Variants in DNAH9 observed in about 807,000 individuals in gnomAD.
The protein encoded by DNAH9 is dynein axonemal heavy chain 9, also known as DNAH9 variant protein.
In DNAH9, 345 loss-of-function variants were observed where a neutral mutation model predicts 471.6. That is an observed-to-expected ratio of 0.73 (90% confidence interval 0.67 to 0.80). DNAH9 has a LOEUF of 0.80. Ranked by LOEUF, DNAH9 falls within the 30% of genes least tolerant of loss-of-function variation. The pLI is 0.00. For missense variants in DNAH9, 5,407 were observed against 5,609.2 expected (o/e 0.96, Z 1.15); for synonymous variants, 2,093 against 2,123.6 (o/e 0.99, Z 0.40).
At chr17:11,709,624 G>A (rs1449293308) in intron 26 of DNAH9, among the ~76,000 whole-genome samples, 1 of 152,176 alleles carries the variant, frequency 6.6e-6, no homozygotes, top group East Asian at 1.9e-4. Flanking sequence ...GATGGGACTT[G>A]AATATATAAA....
At chr17:11,818,423 G>A (rs190332045) in intron 45 of DNAH9, among the ~76,000 whole-genome samples, 37 of 142,730 alleles carry the variant, frequency 2.6e-4, no homozygotes, top group Middle Eastern at 3.4e-3. Flanking sequence ...GCAAGACTCC[G>A]TATTTAAAAA....
chr17:11,889,278 T>C (rs187413274), intron 57 of DNAH9, among the ~76,000 whole-genome samples: 95 of 152,362 alleles, frequency 6.2e-4, no homozygotes, highest in African/African-American at 2.1e-3. Flanking sequence ...TAACACAGCA[T>C]TGGTCTCAAA....
intron 57 of DNAH9, among the ~76,000 whole-genome samples, chr17:11,891,311 C>T (rs1567879617): frequency 6.6e-6 from 1 of 152,154 alleles, no homozygotes; most frequent in African/African-American, 2.4e-5. Context: ...CATGTTTTCT[C>T]GTTACTATTG....
At chr17:11,681,041 G>A in intron 19 of DNAH9, 152 bp downstream of exon 19, 1 of 735,978 alleles carries the variant, frequency 1.4e-6, no homozygotes, top group South Asian at 2.0e-5. Flanking sequence ...GAAACGTGGT[G>A]CTAATGTGGA....
At chr17:11,881,786 C>G (rs532041048) in intron 55 of DNAH9, among the ~76,000 whole-genome samples, 1 of 152,258 alleles carries the variant, frequency 6.6e-6, no homozygotes, top group African/African-American at 2.4e-5. Flanking sequence ...GTGGCGCTAG[C>G]CTGTAGTCCT....
rs1971378471 is a variant in DNAH9, at chr17:11,850,545, G to A, written c.9508-3458G>A. ...TGCCTGTAATCCCAGCTGTAATTTG[G>A]GAGGCTGAGGCAGGAGAATCGCCTG... is the stretch of plus-strand genomic sequence containing the variant. On this transcript the variant is annotated intron_variant, in intron 49 of 68. Coordinates refer to ENST00000262442, the MANE Select transcript of DNAH9 (RefSeq NM_001372.4). Among the ~76,000 whole-genome samples, 5 of 152,110 alleles carry A rather than the reference G, an allele frequency of 3.3e-5. No homozygotes were observed. The South Asian group carries it at 1.0e-3, about 32-fold the overall frequency.
In DNAH9 at chr17:11,914,344, G is replaced by T. The variant is rs1163848445; in HGVS notation, c.11749+8535G>T. ...AAGACTGCACTTTATTCTTCTTGAA[G>T]ATACTCTCCCTGGAGCTCACTGACA... On this transcript the variant is annotated intron_variant, in intron 61 of 68. Transcript: ENST00000262442. 2.0e-5 allele frequency among the ~76,000 whole-genome samples: 3 copies of T among 152,120 alleles called. No homozygotes were observed. In the East Asian group the frequency reaches 5.8e-4, roughly 29 times the overall value.
chr17:11,943,672 G>A (rs559821254), intron 67 of DNAH9, among the ~76,000 whole-genome samples: 26 of 151,974 alleles, frequency 1.7e-4, no homozygotes, highest in Non-Finnish European at 1.9e-4. Flanking sequence ...GCAAGACTCC[G>A]TCTCAAAAAA....
chr17:11,626,006 G>A lies in DNAH9; in HGVS notation c.1351-3411G>A, dbSNP rs1390993883. Among the ~76,000 whole-genome samples, 1 of 152,168 alleles carries A rather than the reference G, an allele frequency of 6.6e-6. No homozygotes were observed. Among genetic ancestry groups the A allele is most frequent in the African/African-American group, 2.4e-5 (1 of 41,432 alleles). On this transcript the variant is annotated intron_variant, in intron 6 of 68. Coordinates refer to ENST00000262442, the MANE Select transcript of DNAH9 (RefSeq NM_001372.4). This position sits in a 1 kb window ranked among gnomAD's most constrained non-coding sequence, Gnocchi z 4.3. ...TCCCATCTACAGGTTAGGAAAGTGA[G>A]GCTTAGAAAAGTTAGGTGTCTTGCT...
rs369021809 is a variant in DNAH9, at chr17:11,763,637, A to G, written c.7170+23A>G. On this transcript the variant is annotated intron_variant, in intron 36 of 68. Transcript: ENST00000262442. ...CAGGTAAGGAGATATGTTGAGCTCA[A>G]CAACCACACTGAAGTCTGTAGCAGC... 20 of 1,609,618 alleles carry G rather than the reference A, an allele frequency of 1.2e-5. No homozygotes were observed. The African/African-American group carries it at 2.4e-4, about 19-fold the overall frequency.
chr17:11,716,082 C>CTT (rs61643065), intron 26 of DNAH9, among the ~76,000 whole-genome samples: 2,580 of 132,436 alleles, frequency 0.019, 126 homozygotes, highest in African/African-American at 0.073. Context: ...TTTTCTTTCT[C>CTT]TTTTTTTTTT....
At chr17:11,618,983 C>A (rs2072800863) in intron 5 of DNAH9, among the ~76,000 whole-genome samples, 1 of 152,032 alleles carries the variant, frequency 6.6e-6, no homozygotes, top group Non-Finnish European at 1.5e-5. Context: ...AAACCGAAAC[C>A]AAAAGTAGGA....
chr17:11,680,243 G>GA (rs779003153), intron 18 of DNAH9, among the ~76,000 whole-genome samples: 19,394 of 142,812 alleles, frequency 0.14, 1,285 homozygotes, highest in Middle Eastern at 0.2. Flanking sequence ...TTTTGGTTGA[G>GA]AAAAAAAAAA....
chr17:11,638,424 G>A (rs561949972), intron 9 of DNAH9, among the ~76,000 whole-genome samples: 1 of 151,836 alleles, frequency 6.6e-6, no homozygotes, highest in South Asian at 2.1e-4. Context: ...TGGCTCTATT[G>A]CCCAGACTGG....
At chr17:11,956,439 A>C in intron 67 of DNAH9, among the ~76,000 whole-genome samples, 1 of 152,172 alleles carries the variant, frequency 6.6e-6, no homozygotes, top group Non-Finnish European at 1.5e-5. Context: ...ACAAGTAGAC[A>C]GAAAACTAAT....
chr17:11,880,501 T>A (rs1490484922), intron 54 of DNAH9, among the ~76,000 whole-genome samples: 2 of 152,198 alleles, frequency 1.3e-5, no homozygotes, highest in African/African-American at 4.8e-5. Flanking sequence ...AAAAGCAGAC[T>A]GACTTTTAAG....
intron 17 of DNAH9, among the ~76,000 whole-genome samples, chr17:11,673,605 T>C (rs1394878568): frequency 6.6e-6 from 1 of 151,264 alleles, no homozygotes. Context: ...ATATTTGTTT[T>C]TTTTTTTTTT....
At position 11,694,428 on chromosome 17, in the gene DNAH9, A is replaced by G; in HGVS notation, c.4853A>G (p.Asn1618Ser). The stretch of plus-strand genomic sequence containing the variant: ...TCCGATCTGTTAGACATCCTTTCCA[A>G]CGGCACAGCTCCACAACAGGTAAGC... ...SSSDLLDILSNGTAPQQVQRH... is the reference protein window; with the variant it reads ...SSSDLLDILSSGTAPQQVQRH... Residue 1618 changes from asparagine (N) to serine (S), a missense_variant, in exon 22 of 69, where the codon AAC becomes AGC. Asn to Ser is a conservative substitution (Grantham distance 46). This residue lies in a region of DNAH9 where 4,636 missense variants were observed against 4,900.3 expected (regional missense o/e 0.95). Transcript: ENST00000262442. The G allele has an allele frequency of 1.2e-6, 2 of 1,613,096 alleles. No homozygotes were observed. The highest frequency in any genetic ancestry group is 2.2e-5 in the East Asian group (1 of 44,770).
In DNAH9 at chr17:11,835,607, G is replaced by A. The variant is rs574394554; in HGVS notation, c.9507+709G>A. On this transcript the variant is annotated intron_variant, in intron 49 of 68. Coordinates refer to ENST00000262442, the MANE Select transcript of DNAH9 (RefSeq NM_001372.4). ...AGGCAAAGGTGGAAGGAAAAGAGGG[G>A]CAGTCAGACTCAAGTCATTATGAGT... Among the ~76,000 whole-genome samples the A allele has an allele frequency of 9.9e-5, 15 of 152,270 alleles. No homozygotes were observed. The South Asian group carries it at 1.7e-3, about 17-fold the overall frequency.
Sources: allele counts gnomAD v4.1 joint callset (sites outside exome capture counted in the v4.1 genomes callset), GRCh38; gene constraint gnomAD v4.1.1; regional missense constraint gnomAD v4.1.1; non-coding constraint Gnocchi (gnomAD v3.1); transcripts MANE v1.5; gene names NCBI Gene and HGNC (gene_info 2026-07-23, HGNC 2026-07-21).